The following LRRFIP1 variants were observed in gnomAD, a reference collection of about 807,000 sequenced individuals.
LRRFIP1 encodes the protein leucine-rich repeat flightless-interacting protein 1.
In LRRFIP1, 62 loss-of-function variants were observed where a neutral mutation model predicts 104.4. That is an observed-to-expected ratio of 0.59 (90% CI 0.48 to 0.73). LRRFIP1 has a LOEUF of 0.73. LRRFIP1 is among the 30% of genes least tolerant of loss of function. LRRFIP1 has a pLI of 0.00. For missense variants in LRRFIP1, 796 were observed against 824.5 expected, an observed-to-expected ratio of 0.97 and a Z score of 0.42; for synonymous variants, 300 against 299.0, an observed-to-expected ratio of 1.00 and a Z score of -0.03.
In LRRFIP1 at chr2:237,772,172, C is replaced by A; in HGVS notation, c.1601C>A (p.Thr534Lys). 1 of 1,613,658 alleles carries A rather than the reference C, an allele frequency of 6.2e-7. No homozygotes were observed. The highest frequency in any genetic ancestry group is 8.5e-7 in the Non-Finnish European group (1 of 1,179,576). Residue 534 changes from threonine (T) to lysine (K), a missense_variant, in exon 21 of 24, where the codon ACA becomes AAA. Transcript: ENST00000308482. ...GAAGATGATGTCTTGGAAAACGGGA[C>A]AGACATGCATGTAATGGACCTACAA... ...RSEDDVLENGTDMHVMDLQRD... is the reference protein window; with the variant it reads ...RSEDDVLENGKDMHVMDLQRD...
In LRRFIP1 at chr2:237,648,178, C is replaced by A. The variant is rs755020071; in HGVS notation, c.96+20438C>A. Among the ~76,000 whole-genome samples, 32 of 148,818 alleles carry A rather than the reference C, an allele frequency of 2.2e-4. 1 individual carries two copies. The highest frequency in any genetic ancestry group is 4.4e-4 in the Non-Finnish European group (29 of 65,644). ...CCATTTGAATGACTTTGGTGCTTCT[C>A]AGCCAGCTGTGGACCCGGCAGCCCT... On this transcript the variant is annotated intron_variant, in intron 1 of 23. Coordinates refer to ENST00000308482, the MANE Select transcript of LRRFIP1 (RefSeq NM_001137550.2).
intron 1 of LRRFIP1, among the ~76,000 whole-genome samples, chr2:237,695,755 T>C (rs576033844): frequency 2.6e-5 from 4 of 152,290 alleles, no homozygotes; most frequent in Admixed American, 2.6e-4. Context: ...AATTTGTTTT[T>C]TGTTTTTTTT....
chr2:237,765,584 A>T, intron 19 of LRRFIP1: 4 of 975,410 alleles, frequency 4.1e-6, no homozygotes, highest in Non-Finnish European at 4.9e-6. Flanking sequence ...TAAAGAGCTG[A>T]ATCACTTTTG....
intron 8 of LRRFIP1, among the ~76,000 whole-genome samples, chr2:237,728,843 C>T (rs56145743): frequency 6.6e-6 from 1 of 152,080 alleles, no homozygotes; most frequent in African/African-American, 2.4e-5. Context: ...CGACCAAAGC[C>T]GTCTTTAGCT....
chr2:237,722,985 T>C (rs2094586693), intron 6 of LRRFIP1, among the ~76,000 whole-genome samples: 1 of 152,192 alleles, frequency 6.6e-6, no homozygotes, highest in African/African-American at 2.4e-5. Context: ...TTATGAACTT[T>C]TTACATTTTT....
At chr2:237,761,264 A>T (rs956079252) in intron 19 of LRRFIP1, among the ~76,000 whole-genome samples, 1 of 152,244 alleles carries the variant, frequency 6.6e-6, no homozygotes, top group Non-Finnish European at 1.5e-5. Context: ...AGTGGCTCAC[A>T]CTTCTAATCC....
chr2:237,706,687 GCACAAT>G (rs2093827468), intron 1 of LRRFIP1, among the ~76,000 whole-genome samples: 2 of 152,158 alleles, frequency 1.3e-5, no homozygotes, highest in Admixed American at 1.3e-4. Flanking sequence ...GAGTGCAGTG[GCACAAT>G]CACAGCTCAC....
intron 1 of LRRFIP1, among the ~76,000 whole-genome samples, chr2:237,669,893 G>C (rs6733552): frequency 2.6e-5 from 4 of 152,136 alleles, no homozygotes; most frequent in Non-Finnish European, 4.4e-5. Context: ...ACGTGGCATA[G>C]AGCCTCGCAC....
chr2:237,659,587 A>G (rs1421080733), intron 1 of LRRFIP1, among the ~76,000 whole-genome samples: 1 of 148,080 alleles, frequency 6.8e-6, no homozygotes, highest in Non-Finnish European at 1.5e-5. Flanking sequence ...ATATATTTAT[A>G]TTATATATGT....
chr2:237,700,730 C>T (rs1186239114), intron 1 of LRRFIP1, among the ~76,000 whole-genome samples: 1 of 152,160 alleles, frequency 6.6e-6, no homozygotes, highest in African/African-American at 2.4e-5. Context: ...CTAACAGGCT[C>T]CTGGCAAACG....
intron 1 of LRRFIP1, among the ~76,000 whole-genome samples, chr2:237,642,640 G>A (rs1290430364): frequency 6.6e-6 from 1 of 151,984 alleles, no homozygotes; most frequent in East Asian, 1.9e-4. Flanking sequence ...CCAGACTCCA[G>A]GCTTCAGGTT....
chr2:237,701,462 C>T (rs1347551916), intron 1 of LRRFIP1, among the ~76,000 whole-genome samples: 1 of 152,232 alleles, frequency 6.6e-6, no homozygotes, highest in Admixed American at 6.5e-5. Context: ...GAGGGCTCTC[C>T]ACTCTGCGCT....
chr2:237,732,118 T>C (rs955777174), intron 8 of LRRFIP1, among the ~76,000 whole-genome samples: 2 of 152,322 alleles, frequency 1.3e-5, no homozygotes, highest in South Asian at 4.2e-4. Context: ...AAGTCCTAAT[T>C]TGGCCCCATC....
rs73100816 is a variant in LRRFIP1 at position 237,721,152 on chromosome 2, C to T, written c.345+330C>T. On this transcript the variant is annotated intron_variant, in intron 6 of 23. Transcript: ENST00000308482. ...GGTGTTCCACAGGAATGCAAAGGCG[C>T]GTCTGCCCTTTAGTAAGTCTGTATC... The T allele has an allele frequency of 2.4e-3, 576 of 244,160 alleles. 3 individuals carry two copies. The highest frequency in any genetic ancestry group is 0.011 in the African/African-American group (516 of 45,842). 15.1% of individuals were successfully genotyped at this position (244,160 alleles called of 1,614,324 possible).
At chr2:237,699,681 AG>A (rs1173786130) in intron 1 of LRRFIP1, among the ~76,000 whole-genome samples, 1 of 152,224 alleles carries the variant, frequency 6.6e-6, no homozygotes, top group Non-Finnish European at 1.5e-5. Context: ...CTTCCTGAGC[AG>A]TCAAGGGAAA....
At position 237,717,860 on chromosome 2, in the gene LRRFIP1, C is replaced by T. The variant is rs886187790; in HGVS notation, c.249+51C>T. 2.3e-6 allele frequency: 3 copies of T among 1,314,882 alleles called. No homozygotes were observed. In the Admixed American group the frequency reaches 5.0e-5, roughly 22 times the overall value. The allele number at this position is 1,314,882 out of a possible 1,614,324, so 81.5% of individuals were successfully genotyped here. Reference sequence around the variant, plus strand: ...TTACTCTTCCCTCCCCACTTGAATACAGTGTTGAGACTTAAATGGTTTATA... The same window carrying T: ...TTACTCTTCCCTCCCCACTTGAATATAGTGTTGAGACTTAAATGGTTTATA... On this transcript the variant is annotated intron_variant, in intron 4 of 23. Transcript: ENST00000308482. This position sits in a 1 kb window ranked among gnomAD's most constrained non-coding sequence, Gnocchi z 4.2.
At chr2:237,719,124 A>G (rs1328382935) in intron 4 of LRRFIP1, among the ~76,000 whole-genome samples, 1 of 152,218 alleles carries the variant, frequency 6.6e-6, no homozygotes, top group Non-Finnish European at 1.5e-5. Context: ...TAGTAGAAAG[A>G]GTGACATCCT....
At chr2:237,687,209 T>C (rs1394931747) in intron 1 of LRRFIP1, among the ~76,000 whole-genome samples, 1 of 152,208 alleles carries the variant, frequency 6.6e-6, no homozygotes, top group Non-Finnish European at 1.5e-5. Context: ...AGCCTCAGTG[T>C]GTGGATAAAG....
chr2:237,751,502 A>G (rs1386418509), intron 14 of LRRFIP1, among the ~76,000 whole-genome samples: 2 of 152,238 alleles, frequency 1.3e-5, no homozygotes, highest in African/African-American at 4.8e-5. Flanking sequence ...AAGGTTACTA[A>G]CATACTCCCT....
Sources: gnomAD v4.1 joint callset for allele counts (sites outside exome capture counted in the v4.1 genomes callset) on GRCh38, gnomAD v4.1.1 for gene constraint, Gnocchi (gnomAD v3.1) non-coding constraint, MANE v1.5 for transcripts, NCBI Gene and HGNC (gene_info 2026-07-23, HGNC 2026-07-21) for gene names.